Variants in ERBB4 observed in about 807,000 individuals in gnomAD.
ERBB4 encodes erb-b2 receptor tyrosine kinase 4, also known as receptor tyrosine-protein kinase erbB-4.
ERBB4 carries 42 observed loss-of-function variants against 158.0 expected under a neutral mutation model. The observed-to-expected ratio is 0.27, with a 90% CI of 0.21 to 0.34. The LOEUF (loss-of-function observed/expected upper bound fraction) is 0.34. Among genes scored for constraint, ERBB4 ranks in the 10% least tolerant of loss-of-function variants. ERBB4 has a pLI of 1.00. For synonymous variants in ERBB4, 583 were observed against 558.7 expected, an observed-to-expected ratio of 1.04 and a Z score of -0.61; for missense variants, 1,333 against 1,624.1, an observed-to-expected ratio of 0.82 and a Z score of 3.08.
At chr2:211,842,918 A>G (rs1474314750) in intron 3 of ERBB4, among the ~76,000 whole-genome samples, 2 of 152,080 alleles carry the variant, frequency 1.3e-5, no homozygotes, top group Admixed American at 1.3e-4. Context: ...CTTACAAACA[A>G]ATCTGATAGC....
chr2:212,417,667 C>T (rs186480760), intron 1 of ERBB4, among the ~76,000 whole-genome samples: 3 of 152,124 alleles, frequency 2.0e-5, no homozygotes, highest in East Asian at 1.9e-4. Flanking sequence ...ATATTAGAAT[C>T]GTAATAGTTC....
chr2:211,502,091 T>C (rs1311051823), intron 20 of ERBB4, among the ~76,000 whole-genome samples: 2 of 152,228 alleles, frequency 1.3e-5, no homozygotes, highest in South Asian at 2.1e-4. Flanking sequence ...TGGTGGAATA[T>C]TGGGATATTA....
chr2:212,030,545 G>A (rs2076879343), intron 2 of ERBB4, among the ~76,000 whole-genome samples: 2 of 152,094 alleles, frequency 1.3e-5, no homozygotes, highest in South Asian at 2.1e-4. Context: ...AAACTTTGGT[G>A]AGCTCTTTCC....
intron 16 of ERBB4, among the ~76,000 whole-genome samples, chr2:211,652,856 T>C (rs138806292): frequency 6.6e-6 from 1 of 152,284 alleles, no homozygotes; most frequent in Non-Finnish European, 1.5e-5. Flanking sequence ...AGTTAACACA[T>C]GGACTGCTAA....
chr2:211,491,053 T>C (rs182405158), intron 20 of ERBB4, among the ~76,000 whole-genome samples: 26 of 152,202 alleles, frequency 1.7e-4, no homozygotes, highest in Admixed American at 3.9e-4. Flanking sequence ...CAGGATATCC[T>C]GTGGGATTTG....
intron 1 of ERBB4, among the ~76,000 whole-genome samples, chr2:212,133,396 GTTT>G (rs575131971): frequency 5.1e-5 from 7 of 137,126 alleles, no homozygotes; most frequent in African/African-American, 1.8e-4. Context: ...TCATTTTGGT[GTTT>G]TTTTTTTGTT....
At chr2:211,507,642 G>A (rs2065783713) in intron 20 of ERBB4, among the ~76,000 whole-genome samples, 1 of 151,996 alleles carries the variant, frequency 6.6e-6, no homozygotes, top group African/African-American at 2.4e-5. Flanking sequence ...AATAAGCAAT[G>A]AGGACAGGAC....
intron 3 of ERBB4, among the ~76,000 whole-genome samples, chr2:211,908,709 G>A (rs1286298123): frequency 4.6e-5 from 7 of 151,666 alleles, no homozygotes; most frequent in Non-Finnish European, 8.8e-5. Flanking sequence ...ATTACATTCC[G>A]TTTTATTATT....
chr2:211,472,931 TTTA>T (rs1458039875), intron 20 of ERBB4, among the ~76,000 whole-genome samples: 2 of 145,980 alleles, frequency 1.4e-5, no homozygotes, highest in South Asian at 2.3e-4. Flanking sequence ...ATAATTAATA[TTTA>T]TTATTATTAT....
At chr2:211,855,507 G>A (rs1462970197) in intron 3 of ERBB4, among the ~76,000 whole-genome samples, 2 of 152,072 alleles carry the variant, frequency 1.3e-5, no homozygotes, top group Non-Finnish European at 2.9e-5. Context: ...TGTCTATGGT[G>A]TGAGATTTGA....
At chr2:212,077,818 C>A (rs1436276344) in intron 2 of ERBB4, among the ~76,000 whole-genome samples, 1 of 152,034 alleles carries the variant, frequency 6.6e-6, no homozygotes, top group African/African-American at 2.4e-5. Flanking sequence ...TTAGACCTGC[C>A]TTCTCCATGA....
chr2:211,872,428 A>C, intron 3 of ERBB4, among the ~76,000 whole-genome samples: 1 of 152,136 alleles, frequency 6.6e-6, no homozygotes, highest in Non-Finnish European at 1.5e-5. Context: ...GGTTCTTTTC[A>C]ATTTTTCTTG....
chr2:212,082,459 G>A (rs532766735), intron 2 of ERBB4, among the ~76,000 whole-genome samples: 3 of 152,072 alleles, frequency 2.0e-5, no homozygotes, highest in South Asian at 2.1e-4. Flanking sequence ...ATAAAATAAT[G>A]TTTTATAAGG....
At chr2:211,821,831 C>T (rs1332689281) in intron 3 of ERBB4, among the ~76,000 whole-genome samples, 1 of 151,966 alleles carries the variant, frequency 6.6e-6, no homozygotes, top group East Asian at 1.9e-4. Flanking sequence ...AGATCCCTAA[C>T]TCTCATGCTA....
intron 1 of ERBB4, among the ~76,000 whole-genome samples, chr2:212,534,329 C>A (rs913968688): frequency 3.9e-5 from 6 of 152,164 alleles, no homozygotes; most frequent in African/African-American, 1.4e-4. Context: ...GCCTCACTAG[C>A]ATTTTTTAAA....
At chr2:212,499,028 C>T (rs1690736122) in intron 1 of ERBB4, among the ~76,000 whole-genome samples, 1 of 151,876 alleles carries the variant, frequency 6.6e-6, no homozygotes, top group Non-Finnish European at 1.5e-5. Flanking sequence ...CATATAATTA[C>T]AATTTCAGTA....
chr2:211,698,314 GAA>G (rs780824731), intron 12 of ERBB4, among the ~76,000 whole-genome samples: 188 of 87,994 alleles, frequency 2.1e-3, no homozygotes, highest in African/African-American at 7.5e-3. Context: ...CTCCGTCTCA[GAA>G]AAAAAAAAAA....
At chr2:211,438,837 A>G (rs1341966149) in intron 20 of ERBB4, among the ~76,000 whole-genome samples, 1 of 152,190 alleles carries the variant, frequency 6.6e-6, no homozygotes, top group Non-Finnish European at 1.5e-5. Flanking sequence ...ATGATCTTCA[A>G]GAAGCCTGGT....
chr2:212,214,969 T>A (rs1019024056), intron 1 of ERBB4, among the ~76,000 whole-genome samples: 6 of 151,550 alleles, frequency 4.0e-5, no homozygotes, highest in African/African-American at 1.5e-4. Flanking sequence ...ATAAATTTAA[T>A]TACATGAAGC....
Sources: gnomAD v4.1 joint callset for allele counts (sites outside exome capture counted in the v4.1 genomes callset) on GRCh38, gnomAD v4.1.1 for gene constraint, MANE v1.5 for transcripts, NCBI Gene and HGNC (gene_info 2026-07-23, HGNC 2026-07-21) for gene names.